The following FERRY3 variants were observed in gnomAD, a reference collection of about 807,000 sequenced individuals.
FERRY3 encodes FERRY endosomal RAB5 effector complex subunit 3, also known as protein C12orf4.
At chr12:4,508,065 T>C in the FERRY3 span, among the ~76,000 whole-genome samples, 2 of 152,300 alleles carry the variant, frequency 1.3e-5, no homozygotes, top group East Asian at 1.9e-4. Flanking sequence ...TACAAGTTTA[T>C]TGAATAGATA....
chr12:4,534,140 C>A, the FERRY3 span: 2 of 1,536,748 alleles, frequency 1.3e-6, no homozygotes, highest in Non-Finnish European at 1.8e-6. Context: ...AATTTACAAT[C>A]TGACCTATTT....
the FERRY3 span, among the ~76,000 whole-genome samples, chr12:4,508,558 A>G: frequency 6.6e-6 from 1 of 152,332 alleles, no homozygotes; most frequent in South Asian, 2.1e-4. Context: ...CAGTCTGGCC[A>G]ACATGGCAAA....
the FERRY3 span, chr12:4,488,426 T>C: frequency 6.6e-6 from 1 of 152,240 alleles, no homozygotes; most frequent in Admixed American, 6.5e-5. The surrounding 1 kb of genome is among the most constrained non-coding windows in gnomAD (Gnocchi z 4.9). Flanking sequence ...GAGAACTGTA[T>C]AGGCTCTAAG....
At chr12:4,537,053 C>G in the FERRY3 span, among the ~76,000 whole-genome samples, 2 of 152,138 alleles carry the variant, frequency 1.3e-5, no homozygotes, top group East Asian at 1.9e-4. Context: ...TTTACAACAC[C>G]CCTGCTTATA....
At chr12:4,510,417 A>G in the FERRY3 span, among the ~76,000 whole-genome samples, 3,496 of 112,846 alleles carry the variant, frequency 0.031, 221 homozygotes, top group African/African-American at 0.13. Context: ...ACTCCTCGAG[A>G]AGAGCAACTC....
chr12:4,495,471 G>A, the FERRY3 span, among the ~76,000 whole-genome samples: 1 of 152,076 alleles, frequency 6.6e-6, no homozygotes, highest in Admixed American at 6.5e-5. Context: ...ATTATTTCAG[G>A]CTAAGGTCAA....
chr12:4,501,518 G>A, the FERRY3 span, among the ~76,000 whole-genome samples: 4 of 152,038 alleles, frequency 2.6e-5, no homozygotes, highest in South Asian at 2.1e-4. Flanking sequence ...CCTGAGTTCC[G>A]CCTCCTGTCA....
chr12:4,534,611 C>G, the FERRY3 span, among the ~76,000 whole-genome samples: 1 of 152,070 alleles, frequency 6.6e-6, no homozygotes, highest in Non-Finnish European at 1.5e-5. Flanking sequence ...CCATGTTGCC[C>G]AGGCTGGTCT....
At chr12:4,498,041 A>T in the FERRY3 span, among the ~76,000 whole-genome samples, 1 of 152,228 alleles carries the variant, frequency 6.6e-6, no homozygotes, top group Non-Finnish European at 1.5e-5. Context: ...ATCATAGCTC[A>T]ATATACTTTT....
the FERRY3 span, among the ~76,000 whole-genome samples, chr12:4,529,281 T>C: frequency 2.6e-5 from 4 of 152,166 alleles, no homozygotes; most frequent in African/African-American, 7.2e-5. Context: ...CTAATTACAA[T>C]TTCTTGGAAC....
the FERRY3 span, among the ~76,000 whole-genome samples, chr12:4,522,372 T>C: frequency 6.6e-6 from 1 of 152,198 alleles, no homozygotes; most frequent in African/African-American, 2.4e-5. Context: ...ATCCAGAATA[T>C]ATAAAGAACT....
At chr12:4,525,042 G>T in the FERRY3 span, 1 of 498,076 alleles carries the variant, frequency 2.0e-6, no homozygotes, top group Non-Finnish European at 3.4e-6. Flanking sequence ...TAAAACTAAA[G>T]TTCTATTTCA....
At chr12:4,497,725 G>T in the FERRY3 span, among the ~76,000 whole-genome samples, 9 of 152,260 alleles carry the variant, frequency 5.9e-5, no homozygotes, top group South Asian at 1.9e-3. Flanking sequence ...AAACTGATAC[G>T]TCTTTCTTCT....
the FERRY3 span, among the ~76,000 whole-genome samples, chr12:4,510,330 T>C: frequency 7.1e-6 from 1 of 141,168 alleles, no homozygotes; most frequent in African/African-American, 2.8e-5. Flanking sequence ...TGCAGGATAT[T>C]ATCCAGGAGA....
the FERRY3 span, among the ~76,000 whole-genome samples, chr12:4,503,225 T>C: frequency 6.6e-6 from 1 of 152,184 alleles, no homozygotes; most frequent in Non-Finnish European, 1.5e-5. Context: ...ATGGGGGCCA[T>C]GGGGCTGGCA....
At chr12:4,526,605 G>A in the FERRY3 span, among the ~76,000 whole-genome samples, 2 of 152,084 alleles carry the variant, frequency 1.3e-5, no homozygotes, top group African/African-American at 4.8e-5. Flanking sequence ...ACTTTGGGAG[G>A]CCGAGGTGGG....
the FERRY3 span, among the ~76,000 whole-genome samples, chr12:4,503,586 TA>T: frequency 3.3e-5 from 5 of 152,230 alleles, no homozygotes. Flanking sequence ...AGGTATACTT[TA>T]AATGGAAATT....
the FERRY3 span, among the ~76,000 whole-genome samples, chr12:4,512,519 G>A: frequency 6.6e-6 from 1 of 151,712 alleles, no homozygotes; most frequent in Non-Finnish European, 1.5e-5. Context: ...GAATCCAGCA[G>A]CACATCAAAA....
the FERRY3 span, chr12:4,489,805 G>T: frequency 1.3e-6 from 2 of 1,588,224 alleles, no homozygotes; most frequent in Non-Finnish European, 1.7e-6. Flanking sequence ...ATCTATAAGG[G>T]TTTAGTGCTT....
Sources: allele counts gnomAD v4.1 joint callset (sites outside exome capture counted in the v4.1 genomes callset), GRCh38; gene constraint gnomAD v4.1.1; non-coding constraint Gnocchi (gnomAD v3.1); transcripts MANE v1.5; gene names NCBI Gene and HGNC (gene_info 2026-07-23, HGNC 2026-07-21).